The following CHD3 variants were observed in gnomAD, a reference collection of about 807,000 sequenced individuals.
CHD3 encodes the protein chromodomain helicase DNA binding protein 3, also known as ATP-dependent chromatin remodeler CHD3.
CHD3 carries 52 observed loss-of-function variants against 248.9 expected under a neutral mutation model. The observed-to-expected ratio is 0.21, with a 90% confidence interval of 0.17 to 0.26. The LOEUF is 0.26. Among genes scored for constraint, CHD3 ranks in the 10% least tolerant of loss-of-function variants. CHD3 has a pLI of 1.00. For synonymous variants in CHD3, 985 were observed against 985.2 expected (o/e 1.00, Z 0.00); for missense variants, 1,482 against 2,605.8 (o/e 0.57, Z 9.39).
upstream of CHD3, among the ~76,000 whole-genome samples, chr17:7,886,939 A>T (rs1158811534): frequency 6.6e-6 from 1 of 152,152 alleles, no homozygotes; most frequent in East Asian, 1.9e-4. The surrounding 1 kb of genome is among the most constrained non-coding windows in gnomAD (Gnocchi z 4.2). Context: ...TGAATAGACC[A>T]GAAGAGACGT....
intron 2 of CHD3, 141 bp from the exon 3 acceptor site, chr17:7,890,429 CA>C (rs554325814): frequency 0.066 from 31,017 of 469,352 alleles, no homozygotes; most frequent in South Asian, 0.1. Flanking sequence ...ACTCCATCTC[CA>C]AAAAAAAAAA....
upstream of CHD3, chr17:7,884,859 C>A: frequency 1.7e-6 from 2 of 1,155,262 alleles, no homozygotes; most frequent in Non-Finnish European, 2.3e-6. Context: ...ATGGTGGTGT[C>A]GGAGGAGGAA....
At chr17:7,884,985 G>A (rs1967525684), upstream of CHD3, 13 of 1,265,076 alleles carry the variant, frequency 1.0e-5, no homozygotes, top group Non-Finnish European at 1.0e-5. Context: ...GGCCACGACC[G>A]GGGCCGCGAC....
In CHD3 at chr17:7,895,725, C is replaced by T. The variant is rs1969547911; in HGVS notation, c.1707+183C>T. Reference sequence around the variant, plus strand: ...TCTTTTGGTCTACAGTCCTCTTTCTCTCAGTCTCCGTTAGCTTCCTTCCCT... The same window carrying T: ...TCTTTTGGTCTACAGTCCTCTTTCTTTCAGTCTCCGTTAGCTTCCTTCCCT... On this transcript the variant is annotated intron_variant, in intron 10 of 39. Transcript: ENST00000330494. This position sits in a 1 kb window ranked among gnomAD's most constrained non-coding sequence, Gnocchi z 4.9. Among the ~76,000 whole-genome samples the T allele has an allele frequency of 6.6e-6, 1 of 152,206 alleles. No homozygotes were observed. Among genetic ancestry groups the T allele is most frequent in the Non-Finnish European group, 1.5e-5 (1 of 68,036 alleles).
rs1450448424 is a variant in CHD3 at position 7,898,109 on chromosome 17, G to A, written c.2051+7G>A. On this transcript the variant is annotated splice_region_variant and intron_variant, in intron 12 of 39. Coordinates refer to ENST00000330494, the MANE Select transcript of CHD3 (RefSeq NM_001005273.3). ...AAAGCTACTGGAGACACCGGTGAGGGAATGAGCTTGTGGATTCAAGGGATT... is the reference window on the plus strand; with the variant it reads ...AAAGCTACTGGAGACACCGGTGAGGAAATGAGCTTGTGGATTCAAGGGATT... 6 of 1,611,838 alleles carry A rather than the reference G, an allele frequency of 3.7e-6. No individual in the cohort carries two copies.
In CHD3 at chr17:7,897,048, G is replaced by A. The variant is rs774318825; in HGVS notation, c.1708-35G>A. On this transcript the variant is annotated intron_variant, in intron 10 of 39. Transcript: ENST00000330494. This position sits in a 1 kb window ranked among gnomAD's most constrained non-coding sequence, Gnocchi z 4.8. ...CCTTGTTGTCCTCTGTGAGTGTCAG[G>A]ACTATCTCTTTCCCTTTTTTCTGTG... The A allele has an allele frequency of 2.5e-6, 4 of 1,569,732 alleles. No homozygotes were observed. The highest frequency in any genetic ancestry group is 3.5e-6 in the Non-Finnish European group (4 of 1,139,744).
rs1968487804 is a variant in CHD3, at chr17:7,889,380, G to C, written c.100+280G>C. 1.3e-5 allele frequency among the ~76,000 whole-genome samples: 2 copies of C among 152,258 alleles called. No individual in the cohort carries two copies. Among genetic ancestry groups the C allele is most frequent in the African/African-American group, 4.8e-5 (2 of 41,474 alleles). On this transcript the variant is annotated intron_variant, in intron 1 of 39. Transcript: ENST00000330494. The surrounding 1 kb of genome is among the most constrained non-coding windows in gnomAD (Gnocchi z 4.5). Reference sequence around the variant, plus strand: ...GCGGTGACTGAAAGGACCTGCCACAGTCAGAGCCCATGGCCTGGAGCCTGG... The same window carrying C: ...GCGGTGACTGAAAGGACCTGCCACACTCAGAGCCCATGGCCTGGAGCCTGG...
intron 4 of CHD3, among the ~76,000 whole-genome samples, chr17:7,892,685 C>T (rs1299096453): frequency 6.6e-6 from 1 of 151,982 alleles, no homozygotes; most frequent in East Asian, 1.9e-4. Flanking sequence ...TTAGTAGAGA[C>T]GGGGTTTCGC....
Position 7,894,598 on chromosome 17 carries a change from G to A in CHD3, c.1259G>A (p.Cys420Tyr). 1 of 1,612,932 alleles carries A rather than the reference G, an allele frequency of 6.2e-7. No individual in the cohort carries two copies. The highest frequency in any genetic ancestry group is 8.5e-7 in the Non-Finnish European group (1 of 1,179,180). The change falls in exon 8 of 40, where the codon TGC becomes TAC. Residue 420 changes from cysteine to tyrosine, a missense_variant. Around this residue, in one of 20 missense-constraint regions of CHD3, gnomAD observed 138 missense variants for 241.1 expected, o/e 0.57. Coordinates refer to ENST00000330494, the MANE Select transcript of CHD3 (RefSeq NM_001005273.3). ...LDRAPEGKWS[C>Y]PHCEKEGVQW... ...CGGGCTCCAGAGGGCAAATGGAGCT[G>A]CCCTCACTGTGTGAGTACCTAATGC...
chr17:7,898,379 A>C, intron 12 of CHD3, 117 bp from the exon 13 acceptor site: 1 of 844,352 alleles, frequency 1.2e-6, no homozygotes, highest in Admixed American at 2.6e-5. Context: ...CCTGGGAAAA[A>C]GGAAATATGG....
chr17:7,906,193 A>G lies in CHD3; in HGVS notation c.4358+204A>G, dbSNP rs749067417. 2.4e-6 allele frequency: 2 copies of G among 848,280 alleles called. No homozygotes were observed. The highest frequency in any genetic ancestry group is 2.2e-4 in the Middle Eastern group (1 of 4,618). 52.5% of individuals were successfully genotyped at this position (848,280 alleles called of 1,614,324 possible). A position where few individuals can be genotyped will look rare whatever the true frequency, so the allele number is the denominator to read the frequency against. On this transcript the variant is annotated intron_variant, in intron 28 of 39. Coordinates refer to ENST00000330494, the MANE Select transcript of CHD3 (RefSeq NM_001005273.3). This position sits in a 1 kb window ranked among gnomAD's most constrained non-coding sequence, Gnocchi z 5.0. ...CAGCCGAGCCTAGAGTAGAGGGGCC[A>G]GGCATCCTCCCCAGGGGAGGGGCGT... is the stretch of plus-strand genomic sequence containing the variant.
chr17:7,885,135 C>A (rs976748066), upstream of CHD3: 26 of 981,140 alleles, frequency 2.6e-5, no homozygotes, highest in African/African-American at 4.5e-4. Flanking sequence ...GCCGCGGGCG[C>A]GCGAAGCCGG....
upstream of CHD3, chr17:7,885,067 G>A: frequency 1.0e-6 from 1 of 981,642 alleles, no homozygotes; most frequent in Non-Finnish European, 1.2e-6. Context: ...CCCCGCCGCC[G>A]CCGCCCCCGC....
rs1053970409 is a variant in CHD3 at position 7,891,154 on chromosome 17, C to T, written c.509+90C>T. 4.1e-5 allele frequency: 60 copies of T among 1,460,140 alleles called. No individual in the cohort carries two copies. In the Middle Eastern group the frequency reaches 6.3e-4, roughly 15 times the overall value. The allele number at this position is 1,460,140 out of a possible 1,614,324, so 90.4% of individuals were successfully genotyped here. On this transcript the variant is annotated intron_variant, in intron 4 of 39. Coordinates refer to ENST00000330494, the MANE Select transcript of CHD3 (RefSeq NM_001005273.3). ...TTGGAATCTGATGAAAGCTATGAAA[C>T]TGCTCTCCAGAGAATTCACGGTGTA... is the stretch of plus-strand genomic sequence containing the variant.
At chr17:7,902,765 GC>G in intron 21 of CHD3, 38 bp downstream of exon 21, 1 of 1,599,308 alleles carries the variant, frequency 6.3e-7, no homozygotes, top group Non-Finnish European at 8.6e-7. Context: ...GGTGTGGGAG[GC>G]CTGAGAAACC....
chr17:7,888,757 A>T (rs1321475246), upstream of CHD3: 35 of 1,323,886 alleles, frequency 2.6e-5, no homozygotes, highest in Non-Finnish European at 3.0e-5. Flanking sequence ...TGCTTTTGAG[A>T]AGGCATATGC....
chr17:7,902,846 G>T (rs1194217268), intron 21 of CHD3, 91 bp from the exon 22 acceptor site: 1 of 1,584,822 alleles, frequency 6.3e-7, no homozygotes, highest in African/African-American at 1.3e-5. Flanking sequence ...TTGAGTTGGG[G>T]GCATGGTTGT....
chr17:7,902,898 C>A (rs200694419), intron 21 of CHD3, 39 bp from the exon 22 acceptor site: 1 of 1,611,048 alleles, frequency 6.2e-7, no homozygotes. Context: ...ACAGAACTAC[C>A]GGGTACAAGA....
In CHD3 at chr17:7,908,586, AG is replaced by A; in HGVS notation, c.5261+79del. ...AAAAAAAAAAGATGATTTCACACCC[AG>A]GGACAGGGCTAGTGCCACACTTTGG... On this transcript the variant is annotated intron_variant, in intron 35 of 39. Coordinates refer to ENST00000330494, the MANE Select transcript of CHD3 (RefSeq NM_001005273.3). This position sits in a 1 kb window ranked among gnomAD's most constrained non-coding sequence, Gnocchi z 5.8. The A allele has an allele frequency of 6.3e-7, 1 of 1,585,524 alleles. No individual in the cohort carries two copies. The highest frequency in any genetic ancestry group is 8.7e-7 in the Non-Finnish European group (1 of 1,156,018).
Sources: allele counts gnomAD v4.1 joint callset (sites outside exome capture counted in the v4.1 genomes callset), GRCh38; gene constraint gnomAD v4.1.1; regional missense constraint gnomAD v4.1.1; non-coding constraint Gnocchi (gnomAD v3.1); transcripts MANE v1.5; gene names NCBI Gene and HGNC (gene_info 2026-07-23, HGNC 2026-07-21).